Variants in CTNNA2 observed in about 807,000 individuals in gnomAD.
CTNNA2 encodes the protein catenin alpha-2.
CTNNA2 carries 42 observed loss-of-function variants against 101.0 expected under a neutral mutation model. That is an observed-to-expected ratio of 0.42 (90% CI 0.32 to 0.54). The LOEUF (loss-of-function observed/expected upper bound fraction) is 0.54. Among genes scored for constraint, CTNNA2 ranks in the 20% least tolerant of loss-of-function variants. CTNNA2 has a pLI of 0.14. For missense variants in CTNNA2, 871 were observed against 1,223.1 expected, an observed-to-expected ratio of 0.71 and a Z score of 4.29; for synonymous variants, 450 against 456.4, an observed-to-expected ratio of 0.99 and a Z score of 0.18.
chr2:80,010,887 A>G (rs934200312), intron 7 of CTNNA2, among the ~76,000 whole-genome samples: 4 of 152,128 alleles, frequency 2.6e-5, no homozygotes, highest in African/African-American at 7.2e-5. Context: ...AATTCATACA[A>G]AAATTGAAGA....
chr2:80,030,470 C>G (rs1182059741), intron 7 of CTNNA2: 1 of 152,148 alleles, frequency 6.6e-6, no homozygotes, highest in Non-Finnish European at 1.5e-5. Flanking sequence ...TCAGTAACAA[C>G]AAGAGCTTCC....
At chr2:79,992,659 G>T (rs1390305590) in intron 7 of CTNNA2, among the ~76,000 whole-genome samples, 1 of 152,184 alleles carries the variant, frequency 6.6e-6, no homozygotes, top group African/African-American at 2.4e-5. Context: ...GGTAGTAGTT[G>T]TCGAAATTTT....
chr2:80,089,202 A>G (rs1699631175), intron 7 of CTNNA2, among the ~76,000 whole-genome samples: 1 of 151,960 alleles, frequency 6.6e-6, no homozygotes, highest in Non-Finnish European at 1.5e-5. Flanking sequence ...TGGATCTCAC[A>G]GTGTGTGCCA....
At chr2:79,366,693 C>G (rs1261794078) in intron 3 of CTNNA2, among the ~76,000 whole-genome samples, 1 of 152,232 alleles carries the variant, frequency 6.6e-6, no homozygotes, top group Non-Finnish European at 1.5e-5. Flanking sequence ...TAGAAGGGTT[C>G]ATTCATTCAA....
intron 7 of CTNNA2, among the ~76,000 whole-genome samples, chr2:80,250,785 A>G (rs1671704873): frequency 6.6e-6 from 1 of 152,138 alleles, no homozygotes; most frequent in South Asian, 2.1e-4. Context: ...ACATTTAGTG[A>G]CTTTGGGCAA....
At chr2:80,018,453 T>G (rs1291962592) in intron 7 of CTNNA2, among the ~76,000 whole-genome samples, 1 of 152,036 alleles carries the variant, frequency 6.6e-6, no homozygotes, top group Non-Finnish European at 1.5e-5. Flanking sequence ...GGCGGGAGTA[T>G]TTACACAAAG....
chr2:80,419,292 T>C (rs536244156), intron 8 of CTNNA2, among the ~76,000 whole-genome samples, 157 bp from the exon 9 acceptor site: 1 of 152,280 alleles, frequency 6.6e-6, no homozygotes, highest in South Asian at 2.1e-4. Flanking sequence ...CAGTCATTGG[T>C]TTTCCTTTAA....
intron 9 of CTNNA2, among the ~76,000 whole-genome samples, chr2:80,508,685 A>C (rs1460968437): frequency 3.9e-5 from 6 of 152,098 alleles, no homozygotes; most frequent in African/African-American, 1.4e-4. Context: ...AAAAAAAAAA[A>C]AAAACAAATT....
intron 7 of CTNNA2, among the ~76,000 whole-genome samples, chr2:80,284,716 T>C: frequency 6.6e-6 from 1 of 152,138 alleles, no homozygotes; most frequent in East Asian, 1.9e-4. Context: ...GTCATTTTCC[T>C]TTTCTCCTTG....
chr2:80,037,951 A>G (rs1695776034), intron 7 of CTNNA2, among the ~76,000 whole-genome samples: 1 of 152,226 alleles, frequency 6.6e-6, no homozygotes, highest in Non-Finnish European at 1.5e-5. Context: ...ATGTTCATTA[A>G]ATATATGTTG....
At chr2:80,517,071 C>T (rs1249020498) in intron 9 of CTNNA2, among the ~76,000 whole-genome samples, 1 of 152,084 alleles carries the variant, frequency 6.6e-6, no homozygotes, top group Non-Finnish European at 1.5e-5. Context: ...CTTGGTGCTG[C>T]ACAGAAAGGT....
rs564892908 is a variant in CTNNA2, at chr2:79,682,943, T to C, written c.102+31285T>C. 1.5e-3 allele frequency among the ~76,000 whole-genome samples: 225 copies of C among 152,360 alleles called. 1 individual carries two copies. Among genetic ancestry groups the C allele is most frequent in the South Asian group, 8.9e-3 (43 of 4,832 alleles). ...CAAACAAAAATACAAAATATTTTAT[T>C]TTCAGAAGAAGTTGTAGGAATAGTA... On this transcript the variant is annotated intron_variant, in intron 2 of 18. Transcript: ENST00000402739.
intron 7 of CTNNA2, among the ~76,000 whole-genome samples, chr2:80,027,590 GT>G (rs1465499126): frequency 2.0e-5 from 3 of 152,166 alleles, no homozygotes; most frequent in Non-Finnish European, 4.4e-5. Flanking sequence ...CTTATGCTTG[GT>G]TAGCACTGGA....
intron 7 of CTNNA2, among the ~76,000 whole-genome samples, chr2:80,012,681 G>T (rs1693872613): frequency 6.6e-6 from 1 of 152,118 alleles, no homozygotes; most frequent in Non-Finnish European, 1.5e-5. Flanking sequence ...GCTGGATTTG[G>T]CCCGTGGGTT....
At chr2:80,321,291 G>A (rs1237286332) in intron 7 of CTNNA2, among the ~76,000 whole-genome samples, 1 of 152,134 alleles carries the variant, frequency 6.6e-6, no homozygotes, top group African/African-American at 2.4e-5. Context: ...CATTGGGAGG[G>A]TTTAGAGATT....
At chr2:80,434,485 C>CTTTTTTTTTTTTTTTTTTTTTT (rs1169944635) in intron 9 of CTNNA2, among the ~76,000 whole-genome samples, 1 of 89,962 alleles carries the variant, frequency 1.1e-5, no homozygotes, top group Non-Finnish European at 2.0e-5. Context: ...TTCTGTGTCT[C>CTTTTTTTTTTTTTTTTTTTTTT]TTTTTTTTTT....
chr2:79,635,079 T>C (rs1171559027), intron 1 of CTNNA2, among the ~76,000 whole-genome samples: 1 of 152,128 alleles, frequency 6.6e-6, no homozygotes, highest in African/African-American at 2.4e-5. Context: ...AAGAGGGTCT[T>C]TCAATAATCT....
At chr2:79,831,744 ATT>A (rs11349954) in intron 3 of CTNNA2, among the ~76,000 whole-genome samples, 1 of 147,652 alleles carries the variant, frequency 6.8e-6, no homozygotes, top group African/African-American at 2.5e-5. Flanking sequence ...GAGAGTACAC[ATT>A]TTTTTTTTAA....
At chr2:79,238,996 G>T (rs1674590588) in intron 2 of CTNNA2, among the ~76,000 whole-genome samples, 1 of 152,052 alleles carries the variant, frequency 6.6e-6, no homozygotes, top group African/African-American at 2.4e-5. Context: ...ACATGTACAG[G>T]ATGTGCAGGT....
Sources: gnomAD v4.1 joint callset for allele counts (sites outside exome capture counted in the v4.1 genomes callset) on GRCh38, gnomAD v4.1.1 for gene constraint, MANE v1.5 for transcripts, NCBI Gene and HGNC (gene_info 2026-07-23, HGNC 2026-07-21) for gene names.